NCOA6: variants seen among roughly 807,000 people sequenced by gnomAD.
The protein encoded by NCOA6 is NRC RAP250.
A neutral mutation model predicts 171.4 loss-of-function variants in NCOA6; 49 were observed. The ratio of observed to expected loss-of-function variants is 0.29; its 90% CI spans 0.23 to 0.36. The LOEUF (loss-of-function observed/expected upper bound fraction) is 0.36, where lower values mean the gene tolerates loss of function less well. Ranked by LOEUF, NCOA6 falls within the 10% of genes least tolerant of loss-of-function variation. The pLI, the probability that NCOA6 is intolerant of heterozygous loss-of-function variation, is 1.00. For synonymous variants in NCOA6, 910 were observed against 927.5 expected, an observed-to-expected ratio of 0.98 and a Z score of 0.34; for missense variants, 2,248 against 2,554.5, an observed-to-expected ratio of 0.88 and a Z score of 2.59.
intron 5 of NCOA6, among the ~76,000 whole-genome samples, chr20:34,767,084 C>T (rs2145947994): frequency 6.6e-6 from 1 of 152,290 alleles, no homozygotes; most frequent in Non-Finnish European, 1.5e-5. Flanking sequence ...CTAACAAGAA[C>T]TTAGGAAATG....
At chr20:34,765,393 T>C (rs541013578) in intron 5 of NCOA6, among the ~76,000 whole-genome samples, 67 of 144,724 alleles carry the variant, frequency 4.6e-4, no homozygotes, top group Admixed American at 7.1e-4. Flanking sequence ...CGAGCCGAGA[T>C]CGTGCCACTG....
In NCOA6 at chr20:34,786,643, A is replaced by G. The variant is rs367767701; in HGVS notation, c.-49-4239T>C. ...CGAGCAGGTTGTTCAATTTCCATAT[A>G]GTTGTGTGGTTATGAGTGAACTTCT... On this transcript the variant is annotated intron_variant, in intron 2 of 14. Transcript: ENST00000359003. Among the ~76,000 whole-genome samples, 76 of 152,242 alleles carry G rather than the reference A, an allele frequency of 5.0e-4. No homozygotes were observed. The East Asian group carries it at 7.3e-3, about 15-fold the overall frequency.
chr20:34,727,537 GT>G (rs1990113138), intron 13 of NCOA6, 130 bp from the exon 14 acceptor site: 1 of 966,752 alleles, frequency 1.0e-6, no homozygotes, highest in Non-Finnish European at 1.5e-6. Flanking sequence ...AGAGAAAGCA[GT>G]TCAACCTGGG....
chr20:34,790,058 A>G (rs1353905386), intron 2 of NCOA6, among the ~76,000 whole-genome samples: 1 of 149,498 alleles, frequency 6.7e-6, no homozygotes, highest in Non-Finnish European at 1.5e-5. Context: ...AACGTGGCAA[A>G]TCCCATTTCT....
chr20:34,779,571 T>C (rs1343311892), intron 3 of NCOA6, among the ~76,000 whole-genome samples: 1 of 152,150 alleles, frequency 6.6e-6, no homozygotes, highest in East Asian at 1.9e-4. Flanking sequence ...AACAATTTTC[T>C]CTTTTGTTAT....
chr20:34,742,706 G>C lies in NCOA6; in HGVS notation c.3550C>G (p.Pro1184Ala). 6.2e-7 allele frequency: 1 copy of C among 1,614,158 alleles called. No individual in the cohort carries two copies. The highest frequency in any genetic ancestry group is 8.5e-7 in the Non-Finnish European group (1 of 1,180,024). Residue 1184 changes from proline to alanine, a missense_variant, in exon 11 of 15, where the codon CCC becomes GCC. By Grantham distance (27) the Pro-to-Ala change is conservative. This residue lies in a region of NCOA6 where 352 missense variants were observed against 419.1 expected (regional missense o/e 0.84). Transcript: ENST00000359003. The stretch of plus-strand genomic sequence containing the variant: ...GAGCTGGGCAGGGAATTTACAGGGG[G>C]TTGCTGGGGAGTTGCACCTTGAGTT... The part of the protein sequence containing the change: ...SATQGATPQQ[P>A]PVNSLPSSHG...
intron 1 of NCOA6, among the ~76,000 whole-genome samples, chr20:34,796,775 T>C (rs757224937): frequency 6.6e-6 from 1 of 151,770 alleles, no homozygotes; most frequent in Non-Finnish European, 1.5e-5. Context: ...CATGCCGGAA[T>C]TCCACTGCTT....
intron 3 of NCOA6, chr20:34,776,787 G>C (rs1439331025): frequency 6.4e-6 from 3 of 470,920 alleles, no homozygotes; most frequent in Non-Finnish European, 1.3e-5. Flanking sequence ...TGAACGGAAA[G>C]CCGTAAGATG....
At chr20:34,817,134 A>C (rs1221692428) in intron 1 of NCOA6, among the ~76,000 whole-genome samples, 4 of 126,290 alleles carry the variant, frequency 3.2e-5, no homozygotes, top group Admixed American at 1.6e-4. Context: ...CACACACACA[A>C]AAAAGCAAAA....
In NCOA6 at chr20:34,715,241, G is replaced by C; in HGVS notation, c.*81C>G. On this transcript the variant is annotated 3_prime_UTR_variant, in exon 15 of 15. Transcript: ENST00000359003. ...TAAAATTACTAACTGTACAGAAATT[G>C]ATTTAAAAAAGTCACAGCTCAAAAT... 1.3e-6 allele frequency: 2 copies of C among 1,579,206 alleles called. No homozygotes were observed. Among genetic ancestry groups the C allele is most frequent in the Admixed American group, 1.7e-5 (1 of 59,574 alleles).
chr20:34,810,558 T>G (rs971004188), intron 1 of NCOA6, among the ~76,000 whole-genome samples: 1 of 151,998 alleles, frequency 6.6e-6, no homozygotes, highest in Non-Finnish European at 1.5e-5. Context: ...TTCTTTTTTT[T>G]TTTTTGTTTG....
At position 34,776,483 on chromosome 20, in the gene NCOA6, T is replaced by C. The variant is rs1244173360; in HGVS notation, c.236-35A>G. Reference sequence around the variant, plus strand: ...GAAAGAAAAAGAATTATATTAATAATCTTTTAGCCACCAGAGGAGATGGAA... The same window carrying C: ...GAAAGAAAAAGAATTATATTAATAACCTTTTAGCCACCAGAGGAGATGGAA... On this transcript the variant is annotated intron_variant, in intron 3 of 14. Coordinates refer to ENST00000359003, the MANE Select transcript of NCOA6 (RefSeq NM_014071.5). 1.8e-5 allele frequency: 29 copies of C among 1,606,076 alleles called. No individual in the cohort carries two copies. The Admixed American group carries it at 2.8e-4, about 16-fold the overall frequency.
At position 34,810,712 on chromosome 20, in the gene NCOA6, T is replaced by A. The variant is rs1016256031; in HGVS notation, c.-164+14760A>T. ...CTGGGACTACAGGCGCCCGCCACCA[T>A]GCCCAGCTAATTTTTTTGTATTTTT... On this transcript the variant is annotated intron_variant, in intron 1 of 14. Transcript: ENST00000359003. 2.0e-5 allele frequency among the ~76,000 whole-genome samples: 3 copies of A among 152,068 alleles called. No individual in the cohort carries two copies. In the East Asian group the frequency reaches 5.8e-4, roughly 29 times the overall value.
intron 14 of NCOA6, among the ~76,000 whole-genome samples, chr20:34,715,826 G>T (rs1230742254): frequency 6.6e-6 from 1 of 152,186 alleles, no homozygotes; most frequent in Non-Finnish European, 1.5e-5. Flanking sequence ...TTGTTTCACA[G>T]TAAGGAACCA....
chr20:34,802,093 AGAT>A (rs1160134997), intron 1 of NCOA6, among the ~76,000 whole-genome samples: 1 of 152,266 alleles, frequency 6.6e-6, no homozygotes, highest in Non-Finnish European at 1.5e-5. Flanking sequence ...CATCAAAAAA[AGAT>A]GATAGACACA....
intron 1 of NCOA6, among the ~76,000 whole-genome samples, chr20:34,810,680 C>T (rs865813419): frequency 6.6e-6 from 1 of 152,052 alleles, no homozygotes; most frequent in Non-Finnish European, 1.5e-5. Context: ...CTCAGCCTCC[C>T]GAGTAGCTGG....
chr20:34,772,661 T>A (rs1342073319), intron 4 of NCOA6, among the ~76,000 whole-genome samples: 2 of 151,068 alleles, frequency 1.3e-5, no homozygotes, highest in Admixed American at 6.6e-5. Context: ...GGTGCTGAGA[T>A]AATGCACATG....
chr20:34,804,236 C>T (rs2078365418), intron 1 of NCOA6, among the ~76,000 whole-genome samples: 1 of 151,658 alleles, frequency 6.6e-6, no homozygotes, highest in Admixed American at 6.6e-5. Context: ...ATTCAGGAGG[C>T]TAAGGCAGGA....
At chr20:34,732,485 G>T in intron 13 of NCOA6, 74 bp downstream of exon 13, 1 of 1,440,634 alleles carries the variant, frequency 6.9e-7, no homozygotes, top group South Asian at 1.2e-5. Flanking sequence ...GAGGTTTAAA[G>T]ACTGAGACAG....
Sources: gnomAD v4.1 joint callset for allele counts (sites outside exome capture counted in the v4.1 genomes callset) on GRCh38, gnomAD v4.1.1 for gene constraint, gnomAD v4.1.1 regional missense constraint, MANE v1.5 for transcripts, NCBI Gene and HGNC (gene_info 2026-07-23, HGNC 2026-07-21) for gene names.